Variants in WAPL observed in about 807,000 individuals in gnomAD.
WAPL encodes the protein WAPL cohesin release factor, also known as wings apart-like protein homolog.
In WAPL, 5 loss-of-function variants were observed where a neutral mutation model predicts 121.0. The ratio of observed to expected loss-of-function variants is 0.04; its 90% CI spans 0.02 to 0.09. The LOEUF (loss-of-function observed/expected upper bound fraction) is 0.09, where lower values mean the gene tolerates loss of function less well. Among genes scored for constraint, WAPL ranks in the 10% least tolerant of loss-of-function variants. WAPL has a pLI of 1.00. For synonymous variants in WAPL, 480 were observed against 481.5 expected (o/e 1.00, Z 0.04); for missense variants, 999 against 1,410.8 (o/e 0.71, Z 4.68).
intron 2 of WAPL, among the ~76,000 whole-genome samples, chr10:86,501,699 A>G (rs1842250250): frequency 6.6e-6 from 1 of 152,136 alleles, no homozygotes; most frequent in Non-Finnish European, 1.5e-5. Context: ...TGCCCTCAAG[A>G]CAGGATCTCA....
At chr10:86,489,181 T>C (rs148597477) in intron 4 of WAPL, among the ~76,000 whole-genome samples, 1 of 152,268 alleles carries the variant, frequency 6.6e-6, no homozygotes, top group Non-Finnish European at 1.5e-5. Flanking sequence ...GAAACACAGA[T>C]CCCATGGCAC....
chr10:86,500,567 A>G lies in WAPL; in HGVS notation c.676T>C (p.Ser226Pro), dbSNP rs1842228875. The change falls in exon 3 of 19, where the codon TCT becomes CCT. Residue 226 changes from serine (S) to proline (P), a missense_variant. Physicochemically the swap from Ser to Pro is moderately conservative, Grantham distance 74 (BLOSUM62 -1). Around this residue, in one of 7 missense-constraint regions of WAPL, gnomAD observed 531 missense variants for 563.1 expected, o/e 0.94. Coordinates refer to ENST00000298767, the MANE Select transcript of WAPL (RefSeq NM_015045.5). ...GKRPESPSEI[S>P]PIKGSVRTGL... ...GTTCTAACAGATCCCTTGATTGGAG[A>G]TATTTCTGATGGTGATTCTGGCCTT... 18 of 1,613,954 alleles carry G rather than the reference A, an allele frequency of 1.1e-5. No individual in the cohort carries two copies. The highest frequency in any genetic ancestry group is 1.3e-5 in the Non-Finnish European group (15 of 1,180,024).
At chr10:86,444,573 G>A (rs1372474291) in intron 16 of WAPL, among the ~76,000 whole-genome samples, 1 of 152,070 alleles carries the variant, frequency 6.6e-6, no homozygotes, top group African/African-American at 2.4e-5. Context: ...GTCATAAAAG[G>A]CAACATATTG....
intron 4 of WAPL, 116 bp from the exon 5 acceptor site, chr10:86,474,089 T>C (rs1841596867): frequency 1.3e-6 from 1 of 788,174 alleles, no homozygotes. Flanking sequence ...GGATGGATAC[T>C]ATCTGGGAAC....
Position 86,500,518 on chromosome 10 carries a change from T to C in WAPL, c.725A>G (p.Asp242Gly). 3 of 1,614,140 alleles carry C rather than the reference T, an allele frequency of 1.9e-6. No individual in the cohort carries two copies. Among genetic ancestry groups the C allele is most frequent in the Non-Finnish European group, 2.5e-6 (3 of 1,180,010 alleles). ...VRTGLFEWDN[D>G]FEDIRSEDCI... ...GTCTTCTGATCTGATATCTTCAAAA[T>C]CATTATCCCATTCAAACAAACCAGT... Residue 242 changes from aspartate to glycine, a missense_variant, in exon 3 of 19, where the codon GAT becomes GGT. This residue lies in a region of WAPL where 531 missense variants were observed against 563.1 expected (regional missense o/e 0.94). Coordinates refer to ENST00000298767, the MANE Select transcript of WAPL (RefSeq NM_015045.5).
chr10:86,458,309 G>C (rs1841195299), intron 12 of WAPL, among the ~76,000 whole-genome samples: 1 of 152,172 alleles, frequency 6.6e-6, no homozygotes. Context: ...GACAGAACCA[G>C]GACTGGAGAC....
chr10:86,521,329 C>T lies in WAPL; in HGVS notation c.-23+36G>A, dbSNP rs1186693777. On this transcript the variant is annotated intron_variant, in intron 1 of 18. Coordinates refer to ENST00000298767, the MANE Select transcript of WAPL (RefSeq NM_015045.5). ...CTGCCTCCCCCACCCTCCCGGCTCCCTCCCGGCCTAGGCGGCCGCCCGACA... is the reference window on the plus strand; with the variant it reads ...CTGCCTCCCCCACCCTCCCGGCTCCTTCCCGGCCTAGGCGGCCGCCCGACA... The T allele has an allele frequency of 6.4e-5, 17 of 265,340 alleles. 1 individual carries two copies. In the Admixed American group the frequency reaches 8.7e-4, roughly 14 times the overall value. The allele number at this position is 265,340 out of a possible 1,614,324, so 16.4% of individuals were successfully genotyped here.
intron 4 of WAPL, among the ~76,000 whole-genome samples, chr10:86,484,378 C>G (rs1440279888): frequency 1.3e-5 from 2 of 151,904 alleles, no homozygotes; most frequent in Non-Finnish European, 2.9e-5. Flanking sequence ...ACCTGTAGTC[C>G]CAGCTACTAG....
chr10:86,493,758 T>A (rs1842095017), intron 4 of WAPL, among the ~76,000 whole-genome samples: 1 of 152,002 alleles, frequency 6.6e-6, no homozygotes, highest in Non-Finnish European at 1.5e-5. Flanking sequence ...TCGCTGGACT[T>A]TGGGAGGCCA....
At chr10:86,513,351 T>C (rs1049176339) in intron 2 of WAPL, among the ~76,000 whole-genome samples, 2 of 152,168 alleles carry the variant, frequency 1.3e-5, no homozygotes, top group African/African-American at 4.8e-5. Flanking sequence ...TACTTATTTA[T>C]TGAGTTGGAG....
intron 2 of WAPL, among the ~76,000 whole-genome samples, chr10:86,515,745 G>A (rs1429872348): frequency 1.3e-5 from 2 of 151,342 alleles, no homozygotes; most frequent in Non-Finnish European, 2.9e-5. Flanking sequence ...CTGCGCCACT[G>A]TACTACAGCC....
intron 11 of WAPL, 56 bp from the exon 12 acceptor site, chr10:86,459,121 G>A (rs1275676873): frequency 7.3e-7 from 1 of 1,362,690 alleles, no homozygotes; most frequent in East Asian, 2.4e-5. Flanking sequence ...ATTCATTCAT[G>A]TAACACCACA....
At chr10:86,496,601 T>G (rs1439392861) in intron 4 of WAPL, among the ~76,000 whole-genome samples, 1 of 152,206 alleles carries the variant, frequency 6.6e-6, no homozygotes, top group African/African-American at 2.4e-5. Flanking sequence ...TGTGGTGGTG[T>G]GTGTATGTCT....
At chr10:86,477,262 T>C (rs1589516939) in intron 4 of WAPL, among the ~76,000 whole-genome samples, 1 of 152,196 alleles carries the variant, frequency 6.6e-6, no homozygotes, top group Non-Finnish European at 1.5e-5. Context: ...AACAGTACAG[T>C]AATTCCACAT....
Position 86,521,489 on chromosome 10 carries a change from C to A in WAPL, c.-147G>T. On this transcript the variant is annotated 5_prime_UTR_variant, in exon 1 of 19. Coordinates refer to ENST00000298767, the MANE Select transcript of WAPL (RefSeq NM_015045.5). ...GCCGGCAGGTGAGAGCCGAGAGAGG[C>A]GAGGGACTCTGCTTTCGGTAAATAG... 2 of 343,806 alleles carry A rather than the reference C, an allele frequency of 5.8e-6. No homozygotes were observed. Among genetic ancestry groups the A allele is most frequent in the South Asian group, 4.5e-5 (2 of 44,840 alleles). 21.3% of individuals were successfully genotyped at this position (343,806 alleles called of 1,614,324 possible). A position where few individuals can be genotyped will look rare whatever the true frequency, so the allele number is the denominator to read the frequency against.
At position 86,446,444 on chromosome 10, in the gene WAPL, G is replaced by T. The variant is rs200469834; in HGVS notation, c.3120C>A (p.Phe1040Leu). 1.2e-6 allele frequency: 2 copies of T among 1,613,004 alleles called. No individual in the cohort carries two copies. The highest frequency in any genetic ancestry group is 1.3e-5 in the African/African-American group (1 of 74,978). The change falls in exon 16 of 19, where the codon TTC becomes TTA. Residue 1040 changes from phenylalanine to leucine, a missense_variant. Coordinates refer to ENST00000298767, the MANE Select transcript of WAPL (RefSeq NM_015045.5). The stretch of plus-strand genomic sequence containing the variant: ...GCTGGGCTGCCCGCTCTCGCTCAAG[G>T]AATAGCTGATAAAAATTATTTTTGA... ...VHAVQALVQL[F>L]LERERAAQLA...
intron 2 of WAPL, among the ~76,000 whole-genome samples, chr10:86,516,478 TAGG>T (rs1842558601): frequency 6.6e-6 from 1 of 152,156 alleles, no homozygotes; most frequent in Non-Finnish European, 1.5e-5. Context: ...CCTTTCAAAA[TAGG>T]AGATTTTTAT....
chr10:86,499,799 T>A lies in WAPL; in HGVS notation c.1444A>T (p.Thr482Ser), dbSNP rs1842213086. ...ERKTSKKRTK[T>S]APSPSLQPPP... is the part of the protein sequence containing the mutation. ...GGCTGCAAGGAGGGTGATGGAGCTG[T>A]TTTAGTTCTTTTTTTGCTTGTCTTT... Residue 482 changes from threonine to serine, a missense_variant, in exon 3 of 19, where the codon ACA (threonine) becomes TCA (serine). Transcript: ENST00000298767. 1 of 1,613,190 alleles carries A rather than the reference T, an allele frequency of 6.2e-7. No individual in the cohort carries two copies. The highest frequency in any genetic ancestry group is 1.7e-5 in the Admixed American group (1 of 59,776).
chr10:86,465,164 G>C (rs1017894725), intron 9 of WAPL, among the ~76,000 whole-genome samples: 5 of 152,156 alleles, frequency 3.3e-5, no homozygotes, highest in African/African-American at 9.7e-5. Flanking sequence ...TAGATGTGGA[G>C]ACACTGGCTT....
Sources: gnomAD v4.1 joint callset for allele counts (sites outside exome capture counted in the v4.1 genomes callset) on GRCh38, gnomAD v4.1.1 for gene constraint, gnomAD v4.1.1 regional missense constraint, MANE v1.5 for transcripts, NCBI Gene and HGNC (gene_info 2026-07-23, HGNC 2026-07-21) for gene names.